The following TBL1XR1 variants were observed in gnomAD, a reference collection of about 807,000 sequenced individuals.
TBL1XR1 encodes the protein TBL1X/Y related 1, also known as F-box-like/WD repeat-containing protein TBL1XR1.
Under a neutral mutation model 66.9 loss-of-function variants are expected in TBL1XR1, and 5 were observed. The observed-to-expected ratio is 0.07, with a 90% confidence interval of 0.04 to 0.16. The LOEUF (loss-of-function observed/expected upper bound fraction) is 0.16, where lower values mean the gene tolerates loss of function less well. Among genes scored for constraint, TBL1XR1 ranks in the 10% least tolerant of loss-of-function variants. The pLI is 1.00. For synonymous variants in TBL1XR1, 210 were observed against 206.0 expected, an observed-to-expected ratio of 1.02 and a Z score of -0.17; for missense variants, 238 against 623.2, an observed-to-expected ratio of 0.38 and a Z score of 6.58.
chr3:177,113,788 G>A (rs1329328175), intron 1 of TBL1XR1, among the ~76,000 whole-genome samples: 1 of 152,040 alleles, frequency 6.6e-6, no homozygotes, highest in Non-Finnish European at 1.5e-5. Context: ...TAATCATCAG[G>A]AAAATCAAAA....
At chr3:177,115,997 AT>A (rs1726265157) in intron 1 of TBL1XR1, among the ~76,000 whole-genome samples, 2 of 152,194 alleles carry the variant, frequency 1.3e-5, no homozygotes, top group Non-Finnish European at 2.9e-5. Flanking sequence ...TTTAATGAAA[AT>A]AAAGAACAGG....
chr3:177,099,717 T>G (rs952080405), intron 1 of TBL1XR1, among the ~76,000 whole-genome samples: 1 of 152,238 alleles, frequency 6.6e-6, no homozygotes, highest in African/African-American at 2.4e-5. Context: ...GGAAATGTTC[T>G]TTACACATCA....
intron 2 of TBL1XR1, among the ~76,000 whole-genome samples, chr3:177,068,754 T>C (rs1267779077): frequency 2.6e-5 from 4 of 152,176 alleles, no homozygotes; most frequent in African/African-American, 9.7e-5. Context: ...ACTGTGATCC[T>C]CGATTACATA....
intron 1 of TBL1XR1, among the ~76,000 whole-genome samples, chr3:177,120,434 T>C (rs1726851362): frequency 6.6e-6 from 1 of 152,224 alleles, no homozygotes; most frequent in Non-Finnish European, 1.5e-5. Context: ...TGGCAAAGGC[T>C]GGACTACAAC....
intron 15 of TBL1XR1, chr3:177,026,167 A>C (rs1217604590): frequency 1.9e-6 from 1 of 537,896 alleles, no homozygotes; most frequent in Non-Finnish European, 3.2e-6. Flanking sequence ...CTAGATTATA[A>C]GGTATTTGGT....
chr3:177,045,158 T>C (rs1182495357), intron 10 of TBL1XR1, among the ~76,000 whole-genome samples: 1 of 152,126 alleles, frequency 6.6e-6, no homozygotes, highest in African/African-American at 2.4e-5. Flanking sequence ...ATGCCTGAAG[T>C]TGCAAATTTC....
At position 177,050,501 on chromosome 3, in the gene TBL1XR1, A is replaced by T; in HGVS notation, c.537T>A (p.Pro179=). Residue 179 remains proline (P), a synonymous_variant, in exon 6 of 16, where the codon CCT becomes CCA. Coordinates refer to ENST00000457928, the MANE Select transcript of TBL1XR1 (RefSeq NM_024665.7). Reference sequence around the variant, plus strand: ...ACCCTGATGCTAGGAGATCACTAACAGGGTTCCAGGCACAGATAAAAACTT... The same window carrying T: ...ACCCTGATGCTAGGAGATCACTAACTGGGTTCCAGGCACAGATAAAAACTT... The part of the protein sequence containing the change: ...ESEVFICAWN[P]VSDLLASGSG... 6.2e-7 allele frequency: 1 copy of T among 1,613,804 alleles called. No individual in the cohort carries two copies. Among genetic ancestry groups the T allele is most frequent in the Non-Finnish European group, 8.5e-7 (1 of 1,179,780 alleles).
At chr3:177,029,888 A>T (rs2108393245) in intron 14 of TBL1XR1, among the ~76,000 whole-genome samples, 1 of 152,330 alleles carries the variant, frequency 6.6e-6, no homozygotes, top group Admixed American at 6.5e-5. Context: ...ACAATCAAGA[A>T]AATGCAAATA....
intron 4 of TBL1XR1, 39 bp from the exon 5 acceptor site, chr3:177,051,765 C>T: frequency 6.8e-7 from 1 of 1,474,142 alleles, no homozygotes; most frequent in South Asian, 1.4e-5. Context: ...AAATCAAAGG[C>T]AATATTTAAA....
intron 1 of TBL1XR1, among the ~76,000 whole-genome samples, chr3:177,175,923 G>A (rs1207841940): frequency 2.6e-5 from 4 of 151,654 alleles, no homozygotes; most frequent in Non-Finnish European, 5.9e-5. Context: ...CGGGCGTGGT[G>A]GTGGGCGCCT....
chr3:177,088,944 T>C (rs867546776), intron 2 of TBL1XR1, among the ~76,000 whole-genome samples: 1 of 152,178 alleles, frequency 6.6e-6, no homozygotes, highest in Non-Finnish European at 1.5e-5. Flanking sequence ...CTACAGTAAA[T>C]AGAACAAATT....
intron 1 of TBL1XR1, among the ~76,000 whole-genome samples, chr3:177,191,534 T>A (rs1736137812): frequency 6.6e-6 from 1 of 152,144 alleles, no homozygotes; most frequent in Non-Finnish European, 1.5e-5. Flanking sequence ...ACCTGTATAG[T>A]CCTGATACAT....
intron 5 of TBL1XR1, among the ~76,000 whole-genome samples, 195 bp from the exon 6 acceptor site, chr3:177,050,805 G>T: frequency 8.6e-6 from 1 of 115,942 alleles, no homozygotes; most frequent in South Asian, 3.0e-4. Flanking sequence ...ATTAAGTATT[G>T]ACCACATACT....
chr3:177,077,520 G>A (rs188266537), intron 2 of TBL1XR1, among the ~76,000 whole-genome samples: 5 of 152,228 alleles, frequency 3.3e-5, no homozygotes, highest in East Asian at 1.9e-4. Context: ...TTACAGCCAC[G>A]TCTCTCTTTC....
At chr3:177,060,915 T>C (rs1165745319) in intron 3 of TBL1XR1, among the ~76,000 whole-genome samples, 1 of 152,252 alleles carries the variant, frequency 6.6e-6, no homozygotes, top group African/African-American at 2.4e-5. Context: ...CAGTATTATA[T>C]ATTAAATACG....
intron 1 of TBL1XR1, among the ~76,000 whole-genome samples, chr3:177,108,403 G>A (rs1457539755): frequency 1.3e-5 from 2 of 152,102 alleles, no homozygotes; most frequent in African/African-American, 4.8e-5. Flanking sequence ...AAAGAATAAG[G>A]CTTTCTGTTC....
At chr3:177,200,038 T>C (rs1737310314), upstream of TBL1XR1, among the ~76,000 whole-genome samples, 1 of 152,074 alleles carries the variant, frequency 6.6e-6, no homozygotes, top group Non-Finnish European at 1.5e-5. Flanking sequence ...AATGGCGGAA[T>C]GTCGGCTCAC....
intron 2 of TBL1XR1, among the ~76,000 whole-genome samples, chr3:177,084,771 G>A (rs541493181): frequency 5.3e-5 from 8 of 152,308 alleles, no homozygotes; most frequent in Non-Finnish European, 8.8e-5. Context: ...GCAAAGATCC[G>A]TCAATAACAG....
intron 1 of TBL1XR1, among the ~76,000 whole-genome samples, chr3:177,192,789 C>T (rs12490455): frequency 0.48 from 73,628 of 152,042 alleles, 18,962 homozygotes; most frequent in Non-Finnish European, 0.57. Context: ...TTCTAAGTAC[C>T]TCTCACACAC....
Sources: allele counts gnomAD v4.1 joint callset (sites outside exome capture counted in the v4.1 genomes callset), GRCh38; gene constraint gnomAD v4.1.1; transcripts MANE v1.5; gene names NCBI Gene and HGNC (gene_info 2026-07-23, HGNC 2026-07-21).